Variants in MAL2 observed in about 807,000 individuals in gnomAD.
MAL2 encodes the protein protein MAL2.
MAL2 carries 17 observed loss-of-function variants against 18.1 expected under a neutral mutation model. The observed-to-expected ratio is 0.94, with a 90% CI of 0.64 to 1.41. The LOEUF (loss-of-function observed/expected upper bound fraction) is 1.41, where lower values mean the gene tolerates loss of function less well. MAL2 is among the 40% of genes most tolerant of loss of function. MAL2 has a pLI of 0.00. For synonymous variants in MAL2, 102 were observed against 102.3 expected, an observed-to-expected ratio of 1.00 and a Z score of 0.02; for missense variants, 222 against 231.9, an observed-to-expected ratio of 0.96 and a Z score of 0.28.
chr8:119,215,834 G>A (rs1397471670), intron 1 of MAL2, among the ~76,000 whole-genome samples: 1 of 152,100 alleles, frequency 6.6e-6, no homozygotes, highest in Non-Finnish European at 1.5e-5. Flanking sequence ...GCCTTGTAGT[G>A]GTACCAGTGA....
In MAL2 at chr8:119,221,879, A is replaced by G. The variant is rs1043845094; in HGVS notation, c.303+122A>G. 7 of 1,061,848 alleles carry G rather than the reference A, an allele frequency of 6.6e-6. No individual in the cohort carries two copies. The African/African-American group carries it at 1.1e-4, about 17-fold the overall frequency. 65.8% of individuals were successfully genotyped at this position (1,061,848 alleles called of 1,614,324 possible). On this transcript the variant is annotated intron_variant, in intron 2 of 3. Coordinates refer to ENST00000614891, the MANE Select transcript of MAL2 (RefSeq NM_052886.3). ...AATGGGAGAGAAGCGGTCCAACCAC[A>G]GAGACTGCTGTGGTGCTGCGGTGGT...
chr8:119,219,554 T>A (rs4053344), intron 1 of MAL2, among the ~76,000 whole-genome samples: 99,477 of 144,912 alleles, frequency 0.69, 33,428 homozygotes, highest in African/African-American at 0.71. Flanking sequence ...TGTGTGTGTG[T>A]GAGAGAGAGA....
intron 2 of MAL2, among the ~76,000 whole-genome samples, chr8:119,236,448 T>C (rs1817896579): frequency 2.0e-5 from 3 of 151,654 alleles, no homozygotes; most frequent in African/African-American, 7.3e-5. Flanking sequence ...GTGGACCTAA[T>C]AGACACCTAC....
chr8:119,232,318 T>C (rs976241311), intron 2 of MAL2, among the ~76,000 whole-genome samples: 3 of 152,162 alleles, frequency 2.0e-5, no homozygotes, highest in African/African-American at 7.2e-5. Flanking sequence ...TTGTCTGGCT[T>C]CAAACAGTCA....
At chr8:119,210,622 A>G (rs891912156) in intron 1 of MAL2, among the ~76,000 whole-genome samples, 1 of 152,218 alleles carries the variant, frequency 6.6e-6, no homozygotes, top group Non-Finnish European at 1.5e-5. Context: ...CTCTGCTTTC[A>G]GAGATGTGAA....
At chr8:119,227,863 G>A (rs979540684) in intron 2 of MAL2, among the ~76,000 whole-genome samples, 1 of 152,070 alleles carries the variant, frequency 6.6e-6, no homozygotes, top group African/African-American at 2.4e-5. Flanking sequence ...TTCTTCCACT[G>A]ACCATTTTAC....
chr8:119,239,847 G>A (rs1818008181), intron 2 of MAL2, among the ~76,000 whole-genome samples: 1 of 146,342 alleles, frequency 6.8e-6, no homozygotes, highest in Non-Finnish European at 1.5e-5. Flanking sequence ...CATGGCACAT[G>A]TATACATATG....
intron 1 of MAL2, chr8:119,215,158 T>G (rs1175774329): frequency 6.6e-6 from 1 of 152,282 alleles, no homozygotes; most frequent in Non-Finnish European, 1.5e-5. Flanking sequence ...GTACAAAGTT[T>G]CCCATAACTT....
intron 2 of MAL2, among the ~76,000 whole-genome samples, chr8:119,235,056 T>A (rs972586521): frequency 5.6e-4 from 85 of 151,324 alleles, no homozygotes; most frequent in African/African-American, 1.8e-3. Flanking sequence ...AGTTGAAAAC[T>A]TTGAAAAAAA....
chr8:119,216,635 G>T (rs905660270), intron 1 of MAL2, among the ~76,000 whole-genome samples: 1 of 152,092 alleles, frequency 6.6e-6, no homozygotes, highest in African/African-American at 2.4e-5. Context: ...CTCTATGTTT[G>T]CTGGGTGTTC....
chr8:119,241,099 C>T (rs138505503), intron 3 of MAL2, among the ~76,000 whole-genome samples: 25 of 152,208 alleles, frequency 1.6e-4, no homozygotes, highest in African/African-American at 6.0e-4. Flanking sequence ...CTATAAATAA[C>T]CCAGTACTCA....
chr8:119,230,822 AATATTTGTTG>A (rs1425447202), intron 2 of MAL2, among the ~76,000 whole-genome samples: 1 of 152,122 alleles, frequency 6.6e-6, no homozygotes, highest in African/African-American at 2.4e-5. Flanking sequence ...TTCATCAGCT[AATATTTGTTG>A]AATAACCACA....
At chr8:119,231,049 TG>T (rs1226339515) in intron 2 of MAL2, among the ~76,000 whole-genome samples, 1 of 152,194 alleles carries the variant, frequency 6.6e-6, no homozygotes, top group Non-Finnish European at 1.5e-5. Flanking sequence ...TTGTTTGTTT[TG>T]AGGCAGAGTC....
rs372230179 is a variant in MAL2, at chr8:119,216,744, A to G, written c.133-4843A>G. Reference sequence around the variant, plus strand: ...AAAGTTCTAAATAGTGTTTTCCCTTATGGGTAGTTTAGCCAGCCTTTATCC... The same window carrying G: ...AAAGTTCTAAATAGTGTTTTCCCTTGTGGGTAGTTTAGCCAGCCTTTATCC... On this transcript the variant is annotated intron_variant, in intron 1 of 3. Coordinates refer to ENST00000614891, the MANE Select transcript of MAL2 (RefSeq NM_052886.3). Among the ~76,000 whole-genome samples the G allele has an allele frequency of 2.1e-4, 32 of 152,176 alleles. 1 individual carries two copies. The highest frequency in any genetic ancestry group is 7.7e-4 in the African/African-American group (32 of 41,458).
intron 1 of MAL2, among the ~76,000 whole-genome samples, chr8:119,219,727 T>C (rs148328521): frequency 9.1e-4 from 138 of 152,154 alleles, no homozygotes; most frequent in African/African-American, 3.3e-3. Flanking sequence ...TGCAGAGACA[T>C]ATAAAGCAGT....
intron 1 of MAL2, among the ~76,000 whole-genome samples, chr8:119,209,416 A>C (rs1180754703): frequency 6.6e-6 from 1 of 152,190 alleles, no homozygotes; most frequent in African/African-American, 2.4e-5. Context: ...TTTAGGTAGC[A>C]CTTGAACTTT....
chr8:119,208,714 G>C lies in MAL2; in HGVS notation c.132+110G>C, dbSNP rs1322986073. The C allele has an allele frequency of 1.7e-5, 21 of 1,212,216 alleles. No individual in the cohort carries two copies. The highest frequency in any genetic ancestry group is 1.8e-5 in the Non-Finnish European group (18 of 974,714). The allele number at this position is 1,212,216 out of a possible 1,614,324, so 75.1% of individuals were successfully genotyped here. A position where few individuals can be genotyped will look rare whatever the true frequency, so the allele number is the denominator to read the frequency against. On this transcript the variant is annotated intron_variant, in intron 1 of 3. Transcript: ENST00000614891. The surrounding 1 kb of genome is among the most constrained non-coding windows in gnomAD (Gnocchi z 4.3). ...GTCCGCCCCCGGCCTCCTTCCCTTC[G>C]ACGTGGCTTTGTCCTGCGCTCCCTC...
chr8:119,234,206 C>T (rs907306288), intron 2 of MAL2, among the ~76,000 whole-genome samples: 2 of 152,132 alleles, frequency 1.3e-5, no homozygotes, highest in Non-Finnish European at 2.9e-5. Flanking sequence ...ACGGACGCAC[C>T]GGGAAAATCG....
At chr8:119,223,690 G>A (rs1234224633) in intron 2 of MAL2, 1 of 152,202 alleles carries the variant, frequency 6.6e-6, no homozygotes, top group Admixed American at 6.5e-5. Context: ...GCACAGCGTT[G>A]ATTGTATGGT....
Sources: gnomAD v4.1 joint callset for allele counts (sites outside exome capture counted in the v4.1 genomes callset) on GRCh38, gnomAD v4.1.1 for gene constraint, Gnocchi (gnomAD v3.1) non-coding constraint, MANE v1.5 for transcripts, NCBI Gene and HGNC (gene_info 2026-07-23, HGNC 2026-07-21) for gene names.